Variants in ARHGAP42 observed in about 807,000 individuals in gnomAD.
The protein encoded by ARHGAP42 is rho GTPase-activating protein 42.
Under a neutral mutation model 125.0 loss-of-function variants are expected in ARHGAP42, and 63 were observed. The ratio of observed to expected loss-of-function variants is 0.50; its 90% CI spans 0.41 to 0.62. The LOEUF is 0.62. Ranked by LOEUF, ARHGAP42 falls within the 20% of genes least tolerant of loss-of-function variation. The probability of loss-of-function intolerance (pLI) is 0.00; values close to 1 mark genes in which losing one functional copy is unlikely to be tolerated. For synonymous variants in ARHGAP42, 339 were observed against 351.0 expected, an observed-to-expected ratio of 0.97 and a Z score of 0.38; for missense variants, 766 against 1,024.2, an observed-to-expected ratio of 0.75 and a Z score of 3.44.
chr11:100,740,335 G>A (rs1862157868), intron 1 of ARHGAP42, among the ~76,000 whole-genome samples: 1 of 152,100 alleles, frequency 6.6e-6, no homozygotes, highest in African/African-American at 2.4e-5. Context: ...TATTTGCTGA[G>A]TAAACACTTG....
chr11:100,941,580 G>A (rs896526111), intron 8 of ARHGAP42, among the ~76,000 whole-genome samples: 1 of 133,700 alleles, frequency 7.5e-6, no homozygotes, highest in Non-Finnish European at 1.6e-5. Flanking sequence ...TGTCAGAGCT[G>A]CAAGCAGAGC....
chr11:100,767,733 A>G (rs1862864214), intron 1 of ARHGAP42, among the ~76,000 whole-genome samples: 1 of 151,982 alleles, frequency 6.6e-6, no homozygotes, highest in South Asian at 2.1e-4. Context: ...CCCAGTCTCA[A>G]CTCTGCTGTA....
In ARHGAP42 at chr11:100,976,119, C is replaced by T; in HGVS notation, c.1918C>T (p.His640Tyr). 1 of 1,550,970 alleles carries T rather than the reference C, an allele frequency of 6.4e-7. No individual in the cohort carries two copies. Among genetic ancestry groups the T allele is most frequent in the Non-Finnish European group, 8.7e-7 (1 of 1,146,506 alleles). The change falls in exon 20 of 24, where the codon CAT (histidine) becomes TAT (tyrosine). Residue 640 changes from histidine to tyrosine, a missense_variant. Physicochemically the swap from His to Tyr is moderately conservative, Grantham distance 83 (BLOSUM62 2). This residue lies in a region of ARHGAP42 where 308 missense variants were observed against 369.7 expected (regional missense o/e 0.83). Coordinates refer to ENST00000298815, the MANE Select transcript of ARHGAP42 (RefSeq NM_152432.4). ...GGGGAGCATTGAGTCACTCTCTTCT[C>T]ATTCCTCTGAACAAAATAGCACTAC... ...PMGSIESLSS[H>Y]SSEQNSTTKS...
intron 22 of ARHGAP42, among the ~76,000 whole-genome samples, chr11:100,982,166 G>A (rs1337919288): frequency 1.3e-4 from 20 of 152,176 alleles, no homozygotes. Flanking sequence ...GAGAAGAATG[G>A]ACAGGATGAG....
chr11:100,732,400 G>A (rs537997003), intron 1 of ARHGAP42, among the ~76,000 whole-genome samples: 65 of 152,290 alleles, frequency 4.3e-4, no homozygotes, highest in Non-Finnish European at 7.6e-4. Flanking sequence ...ATAGTCAGAA[G>A]CTTGTGGAAA....
At chr11:100,875,099 CTCTCTCTCTGTGTGTGTGTG>C (rs1244616306) in intron 4 of ARHGAP42, among the ~76,000 whole-genome samples, 22 of 106,816 alleles carry the variant, frequency 2.1e-4, no homozygotes, top group Admixed American at 6.0e-4. Flanking sequence ...CTCTCTCTCT[CTCTCTCTCTGTGTGTGTGTG>C]TGTGTGTGTG....
intron 1 of ARHGAP42, among the ~76,000 whole-genome samples, chr11:100,708,266 C>G (rs1480373430): frequency 1.8e-4 from 28 of 152,168 alleles, no homozygotes; most frequent in Admixed American, 1.8e-3. Flanking sequence ...AACACCAGCA[C>G]TTTGAAAGGT....
chr11:100,907,299 T>C (rs1224611498), intron 4 of ARHGAP42, among the ~76,000 whole-genome samples: 1 of 152,270 alleles, frequency 6.6e-6, no homozygotes, highest in African/African-American at 2.4e-5. Flanking sequence ...TATCCCTTCA[T>C]ATCCTTGACA....
intron 2 of ARHGAP42, among the ~76,000 whole-genome samples, chr11:100,787,549 C>G (rs559868222): frequency 6.6e-6 from 1 of 152,040 alleles, no homozygotes; most frequent in African/African-American, 2.4e-5. Context: ...CAGAAGAGAG[C>G]GAAAGATTAA....
chr11:100,755,065 C>A (rs1467435490), intron 1 of ARHGAP42, among the ~76,000 whole-genome samples: 2 of 152,146 alleles, frequency 1.3e-5, no homozygotes, highest in African/African-American at 2.4e-5. Context: ...AATAGGCTGA[C>A]ATTTATGCTT....
chr11:100,689,342 A>G (rs1455233715), intron 1 of ARHGAP42, among the ~76,000 whole-genome samples: 1 of 152,226 alleles, frequency 6.6e-6, no homozygotes, highest in East Asian at 1.9e-4. Flanking sequence ...CTAAGAGAGC[A>G]TGATGCCTCT....
At chr11:100,982,300 GGACCATGCTGCAA>G (rs1201104376) in intron 22 of ARHGAP42, among the ~76,000 whole-genome samples, 1 of 152,094 alleles carries the variant, frequency 6.6e-6, no homozygotes, top group Admixed American at 6.6e-5. Flanking sequence ...GGAATGGGAG[GGACCATGCTGCAA>G]GACTTGTTAA....
At chr11:100,758,740 C>G (rs185284455) in intron 1 of ARHGAP42, among the ~76,000 whole-genome samples, 22 of 152,238 alleles carry the variant, frequency 1.4e-4, no homozygotes, top group Admixed American at 7.9e-4. Flanking sequence ...TTCATTTGCT[C>G]AGCACAATGA....
intron 3 of ARHGAP42, among the ~76,000 whole-genome samples, chr11:100,845,422 G>A (rs181297881): frequency 6.6e-6 from 1 of 152,072 alleles, no homozygotes; most frequent in East Asian, 1.9e-4. Flanking sequence ...GGTGATGGAT[G>A]CACCAAAATC....
intron 4 of ARHGAP42, among the ~76,000 whole-genome samples, chr11:100,901,093 T>C (rs1377397230): frequency 6.6e-6 from 1 of 152,176 alleles, no homozygotes; most frequent in Non-Finnish European, 1.5e-5. Context: ...ATCCTTTTTG[T>C]TGATGTTGAT....
rs145461387 is a variant in ARHGAP42, at chr11:100,754,251, T to G, written c.155-16092T>G. On this transcript the variant is annotated intron_variant, in intron 1 of 23. Coordinates refer to ENST00000298815, the MANE Select transcript of ARHGAP42 (RefSeq NM_152432.4). ...GTATGGATGAATACAGTTTTTACCATTCATTGTAAACATGAACACTGCTAG... is the reference window on the plus strand; with the variant it reads ...GTATGGATGAATACAGTTTTTACCAGTCATTGTAAACATGAACACTGCTAG... Among the ~76,000 whole-genome samples the G allele has an allele frequency of 6.5e-3, 985 of 152,318 alleles. 8 individuals are homozygous for G. The highest frequency in any genetic ancestry group is 0.02 in the Middle Eastern group (6 of 294).
chr11:100,749,484 G>A (rs1422647702), intron 1 of ARHGAP42, among the ~76,000 whole-genome samples: 1 of 114,088 alleles, frequency 8.8e-6, no homozygotes, highest in Admixed American at 8.7e-5. Context: ...TGTCTCGCCT[G>A]GCCTGCCCCG....
At chr11:100,949,782 G>T (rs970050738) in intron 11 of ARHGAP42, 135 bp from the exon 12 acceptor site, 1 of 456,242 alleles carries the variant, frequency 2.2e-6, no homozygotes. Flanking sequence ...CACAGGTGGT[G>T]CTGTGGACAC....
intron 1 of ARHGAP42, among the ~76,000 whole-genome samples, chr11:100,733,207 C>G (rs1861991333): frequency 6.6e-6 from 1 of 152,156 alleles, no homozygotes; most frequent in African/African-American, 2.4e-5. Context: ...ATCAATATAG[C>G]CAAACCTTAG....
Sources: gnomAD v4.1 joint callset for allele counts (sites outside exome capture counted in the v4.1 genomes callset) on GRCh38, gnomAD v4.1.1 for gene constraint, gnomAD v4.1.1 regional missense constraint, MANE v1.5 for transcripts, NCBI Gene and HGNC (gene_info 2026-07-23, HGNC 2026-07-21) for gene names.